CADM2: variants seen among roughly 807,000 people sequenced by gnomAD.
The protein encoded by CADM2 is cell adhesion molecule 2.
A neutral mutation model predicts 49.8 loss-of-function variants in CADM2; 12 were observed. That is an observed-to-expected ratio of 0.24 (90% CI 0.15 to 0.39). The LOEUF is 0.39. Among genes scored for constraint, CADM2 ranks in the 10% least tolerant of loss-of-function variants. The pLI is 1.00. For missense variants in CADM2, 378 were observed against 492.3 expected, an observed-to-expected ratio of 0.77 and a Z score of 2.20; for synonymous variants, 214 against 175.4, an observed-to-expected ratio of 1.22 and a Z score of -1.74.
intron 1 of CADM2, among the ~76,000 whole-genome samples, chr3:85,387,139 T>C (rs1038700789): frequency 2.6e-5 from 4 of 152,082 alleles, no homozygotes; most frequent in African/African-American, 4.8e-5. Flanking sequence ...TTGTTGAAAG[T>C]AGCAAAAAGG....
At chr3:85,189,057 T>TAAATA (rs1381190092) in intron 1 of CADM2, among the ~76,000 whole-genome samples, 1 of 111,756 alleles carries the variant, frequency 8.9e-6, no homozygotes, top group Non-Finnish European at 1.9e-5. Context: ...TAATAATAAA[T>TAAATA]AAATAAAATA....
chr3:85,087,107 C>T (rs1284587278), intron 1 of CADM2, among the ~76,000 whole-genome samples: 1 of 151,990 alleles, frequency 6.6e-6, no homozygotes, highest in Non-Finnish European at 1.5e-5. Context: ...GCAGAAAGGT[C>T]AAAAACTTCT....
intron 8 of CADM2, among the ~76,000 whole-genome samples, chr3:85,976,917 G>T (rs757982357): frequency 6.6e-6 from 1 of 151,324 alleles, no homozygotes; most frequent in Admixed American, 6.6e-5. Context: ...CATCTTTTTA[G>T]GTTATTTGAA....
At chr3:85,387,670 A>G (rs1412267407) in intron 1 of CADM2, among the ~76,000 whole-genome samples, 1 of 152,172 alleles carries the variant, frequency 6.6e-6, no homozygotes, top group Non-Finnish European at 1.5e-5. Context: ...CAGATTTCAG[A>G]TTTTAATATT....
intron 1 of CADM2, among the ~76,000 whole-genome samples, chr3:85,473,815 T>C (rs773908922): frequency 1.4e-4 from 22 of 152,204 alleles, no homozygotes; most frequent in Non-Finnish European, 2.6e-4. Flanking sequence ...TACTATAGGA[T>C]ATTAAGTACA....
At chr3:85,450,934 T>G in intron 1 of CADM2, among the ~76,000 whole-genome samples, 1 of 152,096 alleles carries the variant, frequency 6.6e-6, no homozygotes, top group East Asian at 1.9e-4. Flanking sequence ...TGGTTAAACA[T>G]ATCAAACTGG....
chr3:85,239,399 A>G (rs1021999665), intron 1 of CADM2, among the ~76,000 whole-genome samples: 2 of 151,710 alleles, frequency 1.3e-5, no homozygotes. Flanking sequence ...TGTAACACTA[A>G]AGAGCTGTAA....
At chr3:85,337,584 T>C (rs898978482) in intron 1 of CADM2, among the ~76,000 whole-genome samples, 6 of 151,604 alleles carry the variant, frequency 4.0e-5, no homozygotes, top group African/African-American at 1.2e-4. Context: ...TATTCTTTCA[T>C]TGGGACTTAG....
chr3:86,019,297 G>A (rs1388027125), intron 8 of CADM2, among the ~76,000 whole-genome samples: 161 of 127,552 alleles, frequency 1.3e-3, no homozygotes, highest in African/African-American at 2.1e-3. Context: ...AGTATAGTTT[G>A]AAGTCAGGTA....
At chr3:85,468,771 G>A (rs2038635949) in intron 1 of CADM2, among the ~76,000 whole-genome samples, 1 of 152,116 alleles carries the variant, frequency 6.6e-6, no homozygotes, top group Non-Finnish European at 1.5e-5. Flanking sequence ...ACTAGTCATA[G>A]AGTAAGGAAG....
chr3:85,423,354 T>C (rs1248535137), intron 1 of CADM2, among the ~76,000 whole-genome samples: 1 of 152,108 alleles, frequency 6.6e-6, no homozygotes, highest in Non-Finnish European at 1.5e-5. Flanking sequence ...GGAATGCCTG[T>C]TCTCATTTAG....
chr3:85,697,083 C>G (rs922688136), intron 1 of CADM2, among the ~76,000 whole-genome samples: 4 of 138,508 alleles, frequency 2.9e-5, no homozygotes, highest in South Asian at 2.3e-4. Context: ...TATATATATG[C>G]CATATATATA....
chr3:85,708,068 C>A (rs147934246), intron 1 of CADM2, among the ~76,000 whole-genome samples: 2 of 152,146 alleles, frequency 1.3e-5, no homozygotes, highest in African/African-American at 4.8e-5. Flanking sequence ...ATTGACTAAG[C>A]GTAGGAACGG....
At chr3:85,416,667 G>T (rs935593242) in intron 1 of CADM2, among the ~76,000 whole-genome samples, 1 of 152,172 alleles carries the variant, frequency 6.6e-6, no homozygotes, top group African/African-American at 2.4e-5. Context: ...CTAGGGACAA[G>T]CCTGGAATAC....
At chr3:85,394,237 C>G (rs1372444287) in intron 1 of CADM2, among the ~76,000 whole-genome samples, 1 of 151,978 alleles carries the variant, frequency 6.6e-6, no homozygotes, top group Non-Finnish European at 1.5e-5. Flanking sequence ...ACTATACATT[C>G]CAGAGGTATA....
At chr3:85,047,840 AGAATTTAC>A (rs1402139251) in intron 1 of CADM2, among the ~76,000 whole-genome samples, 6 of 152,290 alleles carry the variant, frequency 3.9e-5, no homozygotes, top group African/African-American at 1.4e-4. Context: ...GAGAAATGTA[AGAATTTAC>A]ACTTCTTCTC....
chr3:85,391,435 A>G (rs1180931180), intron 1 of CADM2, among the ~76,000 whole-genome samples: 3 of 152,024 alleles, frequency 2.0e-5, no homozygotes, highest in Non-Finnish European at 4.4e-5. Context: ...TCTGGTGGAA[A>G]CAGAACTTAA....
At chr3:85,527,188 C>T (rs971978088) in intron 1 of CADM2, among the ~76,000 whole-genome samples, 1 of 151,822 alleles carries the variant, frequency 6.6e-6, no homozygotes, top group Non-Finnish European at 1.5e-5. Context: ...AAATTTGAGA[C>T]CAGACTGGGA....
intron 2 of CADM2, among the ~76,000 whole-genome samples, chr3:85,798,429 T>C (rs2071763085): frequency 6.6e-6 from 1 of 152,198 alleles, no homozygotes. Flanking sequence ...TTAATCCATC[T>C]TGAGTTAATT....
Sources: gnomAD v4.1 joint callset for allele counts (sites outside exome capture counted in the v4.1 genomes callset) on GRCh38, gnomAD v4.1.1 for gene constraint, MANE v1.5 for transcripts, NCBI Gene and HGNC (gene_info 2026-07-23, HGNC 2026-07-21) for gene names.